The following KCNC2 variants were observed in gnomAD, a reference collection of about 807,000 sequenced individuals.
KCNC2 encodes voltage-gated potassium channel KCNC2.
A neutral mutation model predicts 44.5 loss-of-function variants in KCNC2; 21 were observed. That is an observed-to-expected ratio of 0.47 (90% CI 0.33 to 0.68). KCNC2 has a LOEUF of 0.68. KCNC2 is among the 30% of genes least tolerant of loss of function. KCNC2 has a pLI of 0.01. For synonymous variants in KCNC2, 391 were observed against 339.1 expected (o/e 1.15, Z -1.68); for missense variants, 589 against 826.2 (o/e 0.71, Z 3.52).
intron 4 of KCNC2, 66 bp downstream of exon 4, chr12:75,048,087 A>G: frequency 7.2e-7 from 1 of 1,387,088 alleles, no homozygotes; most frequent in Non-Finnish European, 1.0e-6. Context: ...ATTTTACATT[A>G]CTCCATGTAT....
intron 2 of KCNC2, among the ~76,000 whole-genome samples, chr12:75,141,018 C>A (rs191804870): frequency 6.6e-6 from 1 of 152,252 alleles, no homozygotes; most frequent in African/African-American, 2.4e-5. Flanking sequence ...GCTATTCATG[C>A]TAAAACTTGG....
intron 2 of KCNC2, among the ~76,000 whole-genome samples, chr12:75,062,371 G>A (rs1464291426): frequency 1.3e-5 from 2 of 152,016 alleles, no homozygotes; most frequent in Non-Finnish European, 2.9e-5. Context: ...TACTGCAAGA[G>A]CAATAAAGCC....
intron 2 of KCNC2, among the ~76,000 whole-genome samples, chr12:75,174,145 T>TC (rs373787707): frequency 6.6e-6 from 1 of 151,766 alleles, no homozygotes; most frequent in Non-Finnish European, 1.5e-5. Flanking sequence ...CTTTTTTTTT[T>TC]CAAACTGGCT....
At chr12:75,128,152 A>C (rs1888569657) in intron 2 of KCNC2, among the ~76,000 whole-genome samples, 1 of 152,166 alleles carries the variant, frequency 6.6e-6, no homozygotes, top group Admixed American at 6.5e-5. Flanking sequence ...TATTCAACAT[A>C]AAATGAAATT....
intron 2 of KCNC2, among the ~76,000 whole-genome samples, chr12:75,123,327 C>T (rs1888172901): frequency 6.6e-6 from 1 of 152,106 alleles, no homozygotes. Flanking sequence ...GAAACCAGTT[C>T]TATTCTTAAT....
intron 2 of KCNC2, among the ~76,000 whole-genome samples, chr12:75,111,321 T>C (rs948487798): frequency 6.6e-6 from 1 of 151,574 alleles, no homozygotes; most frequent in African/African-American, 2.4e-5. Flanking sequence ...TTTCTGTTTT[T>C]CTATTTTAAG....
chr12:75,152,711 A>G (rs1215313558), intron 2 of KCNC2, among the ~76,000 whole-genome samples: 1 of 152,024 alleles, frequency 6.6e-6, no homozygotes, highest in East Asian at 1.9e-4. Context: ...CTAGAATTAA[A>G]GTTCTCAGAA....
chr12:75,078,292 G>A (rs1292519388), intron 2 of KCNC2, among the ~76,000 whole-genome samples: 1 of 152,132 alleles, frequency 6.6e-6, no homozygotes, highest in Admixed American at 6.5e-5. Context: ...GGACGGCACT[G>A]TGTTATGACT....
chr12:75,061,018 C>T (rs1398599115), intron 2 of KCNC2, among the ~76,000 whole-genome samples: 1 of 152,118 alleles, frequency 6.6e-6, no homozygotes, highest in African/African-American at 2.4e-5. Flanking sequence ...AAATTAACCA[C>T]TTCCTTTCAG....
chr12:75,129,533 G>C (rs1888679989), intron 2 of KCNC2, among the ~76,000 whole-genome samples: 1 of 152,126 alleles, frequency 6.6e-6, no homozygotes, highest in Non-Finnish European at 1.5e-5. Flanking sequence ...ACACAGGGCT[G>C]TGTGTGTATT....
At chr12:75,174,354 T>TA (rs1892038339) in intron 2 of KCNC2, among the ~76,000 whole-genome samples, 1 of 151,924 alleles carries the variant, frequency 6.6e-6, no homozygotes, top group Non-Finnish European at 1.5e-5. Context: ...TGAATGCTGA[T>TA]ATATAAAACT....
intron 2 of KCNC2, among the ~76,000 whole-genome samples, chr12:75,149,861 G>T (rs1182251175): frequency 6.6e-6 from 1 of 151,778 alleles, no homozygotes; most frequent in African/African-American, 2.4e-5. Flanking sequence ...TTAGCTAAGG[G>T]CTGCAATGGA....
chr12:75,042,494 T>C lies in KCNC2; in HGVS notation c.*611A>G. 1 of 1,438,974 alleles carries C rather than the reference T, an allele frequency of 6.9e-7. No homozygotes were observed. Among genetic ancestry groups the C allele is most frequent in the Non-Finnish European group, 9.1e-7 (1 of 1,095,526 alleles). 89.1% of individuals were successfully genotyped at this position (1,438,974 alleles called of 1,614,324 possible). Reference sequence around the variant, plus strand: ...TTTCTTTCAAATAATAAGAAAAAAATGTCAAGGAGAAAAGTGCCCTCCCTG... The same window carrying C: ...TTTCTTTCAAATAATAAGAAAAAAACGTCAAGGAGAAAAGTGCCCTCCCTG... On this transcript the variant is annotated 3_prime_UTR_variant, in exon 5 of 5. Coordinates refer to ENST00000549446, the MANE Select transcript of KCNC2 (RefSeq NM_139137.4).
intron 2 of KCNC2, among the ~76,000 whole-genome samples, chr12:75,112,868 CTT>C (rs1458605040): frequency 3.9e-5 from 6 of 151,986 alleles, no homozygotes; most frequent in Non-Finnish European, 5.9e-5. Context: ...AAACTAAAAA[CTT>C]TAAAATATAG....
At chr12:75,124,549 C>A (rs796172206) in intron 2 of KCNC2, among the ~76,000 whole-genome samples, 2 of 152,016 alleles carry the variant, frequency 1.3e-5, no homozygotes, top group Non-Finnish European at 1.5e-5. Context: ...TAAGCCATGG[C>A]ACAGGTGAGT....
At chr12:75,101,687 A>C (rs755585168) in intron 2 of KCNC2, among the ~76,000 whole-genome samples, 11 of 152,084 alleles carry the variant, frequency 7.2e-5, no homozygotes, top group Non-Finnish European at 1.2e-4. Flanking sequence ...TGTCCACTTT[A>C]ATATAGATTT....
chr12:75,119,126 T>C lies in KCNC2; in HGVS notation c.688-67809A>G, dbSNP rs959593688. Reference sequence around the variant, plus strand: ...GGAATGTGTTTGCTGAATACCCCCTTCCATGGTATCCTTTAAGTCATTTCC... The same window carrying C: ...GGAATGTGTTTGCTGAATACCCCCTCCCATGGTATCCTTTAAGTCATTTCC... On this transcript the variant is annotated intron_variant, in intron 2 of 4. Transcript: ENST00000549446. Among the ~76,000 whole-genome samples, 5 of 152,276 alleles carry C rather than the reference T, an allele frequency of 3.3e-5. No homozygotes were observed. The South Asian group carries it at 1.0e-3, about 32-fold the overall frequency.
At chr12:75,061,305 C>T (rs1452074877) in intron 2 of KCNC2, among the ~76,000 whole-genome samples, 1 of 151,878 alleles carries the variant, frequency 6.6e-6, no homozygotes, top group Non-Finnish European at 1.5e-5. Context: ...AAGATATAAA[C>T]TAAGACAAAT....
chr12:75,098,756 T>TTAAATAAA (rs34518617), intron 2 of KCNC2, among the ~76,000 whole-genome samples: 27,320 of 145,546 alleles, frequency 0.19, 3,760 homozygotes, highest in African/African-American at 0.39. Flanking sequence ...AGACTCTGTC[T>TTAAATAAA]TAAATAAATA....
Sources: allele counts gnomAD v4.1 joint callset (sites outside exome capture counted in the v4.1 genomes callset), GRCh38; gene constraint gnomAD v4.1.1; transcripts MANE v1.5; gene names NCBI Gene and HGNC (gene_info 2026-07-23, HGNC 2026-07-21).